The following CSMD1 variants were observed in gnomAD, a reference collection of about 807,000 sequenced individuals.
CSMD1 encodes CUB and Sushi multiple domains 1.
A neutral mutation model predicts 417.5 loss-of-function variants in CSMD1; 213 were observed. That is an observed-to-expected ratio of 0.51 (90% CI 0.46 to 0.57). The LOEUF (loss-of-function observed/expected upper bound fraction) is 0.57, where lower values mean the gene tolerates loss of function less well. Among genes scored for constraint, CSMD1 ranks in the 20% least tolerant of loss-of-function variants. The pLI, the probability that CSMD1 is intolerant of heterozygous loss-of-function variation, is 0.00. For missense variants in CSMD1, 6,923 were observed against 4,529.7 expected, an observed-to-expected ratio of 1.53 and a Z score of -15.17; for synonymous variants, 2,862 against 1,736.8, an observed-to-expected ratio of 1.65 and a Z score of -16.11.
intron 3 of CSMD1, among the ~76,000 whole-genome samples, chr8:4,156,356 T>C (rs1459919525): frequency 6.6e-6 from 1 of 152,188 alleles, no homozygotes; most frequent in Non-Finnish European, 1.5e-5. Context: ...CTGGTTTTGA[T>C]AAAACTTAAA....
chr8:4,279,442 G>C (rs913960478), intron 3 of CSMD1, among the ~76,000 whole-genome samples: 5 of 152,194 alleles, frequency 3.3e-5, no homozygotes, highest in African/African-American at 4.8e-5. Context: ...CCTTGGATAA[G>C]ATTCCAAGTC....
intron 3 of CSMD1, among the ~76,000 whole-genome samples, chr8:4,127,531 C>A (rs958035033): frequency 6.6e-6 from 1 of 150,582 alleles, no homozygotes; most frequent in Admixed American, 6.6e-5. Context: ...CACCAGAAAC[C>A]CTTTGGTTTT....
At position 2,950,300 on chromosome 8, in the gene CSMD1, A is replaced by G; in HGVS notation, c.10245T>C (p.Phe3415=). 1 of 1,613,492 alleles carries G rather than the reference A, an allele frequency of 6.2e-7. No individual in the cohort carries two copies. Among genetic ancestry groups the G allele is most frequent in the Non-Finnish European group, 8.5e-7 (1 of 1,179,470 alleles). The change falls in exon 67 of 70, where the codon TTT becomes TTC. Residue 3415 remains phenylalanine (F), a synonymous_variant. Coordinates refer to ENST00000635120, the MANE Select transcript of CSMD1 (RefSeq NM_033225.6). ...KEEAHLLLKA[F]QIKGQADIFV... is the part of the protein sequence containing the mutation. Reference sequence around the variant, plus strand: ...AAATATCTGCCTGGCCTTTAATTTGAAAAGCTTTCAGGAGTAAGTGGGCCT... The same window carrying G: ...AAATATCTGCCTGGCCTTTAATTTGGAAAGCTTTCAGGAGTAAGTGGGCCT...
intron 1 of CSMD1, among the ~76,000 whole-genome samples, chr8:4,860,824 C>T (rs966110174): frequency 6.6e-6 from 1 of 152,024 alleles, no homozygotes; most frequent in Non-Finnish European, 1.5e-5. Context: ...TTGCAGTGTC[C>T]CCAACACAGC....
rs555968532 is a variant in CSMD1 at position 3,827,871 on chromosome 8, T to C, written c.819-73829A>G. 2.6e-5 allele frequency among the ~76,000 whole-genome samples: 4 copies of C among 152,332 alleles called. No individual in the cohort carries two copies. In the East Asian group the frequency reaches 7.7e-4, roughly 29 times the overall value. ...GCATGTCACAGAAGAGCACTTCTGA[T>C]GAAGTTTCATCCCCATGGGCTCACT... is the stretch of plus-strand genomic sequence containing the variant. On this transcript the variant is annotated intron_variant, in intron 5 of 69. Coordinates refer to ENST00000635120, the MANE Select transcript of CSMD1 (RefSeq NM_033225.6).
intron 3 of CSMD1, among the ~76,000 whole-genome samples, chr8:4,151,611 G>A (rs553052622): frequency 6.6e-6 from 1 of 152,084 alleles, no homozygotes. Context: ...CATGGATTGT[G>A]ACATGTAGTT....
chr8:4,395,083 C>T (rs529926600), intron 3 of CSMD1, among the ~76,000 whole-genome samples: 1 of 152,300 alleles, frequency 6.6e-6, no homozygotes, highest in Admixed American at 6.5e-5. Flanking sequence ...CTGGCACCTC[C>T]TGCACCCACA....
chr8:3,311,303 G>T (rs774987117), intron 23 of CSMD1, among the ~76,000 whole-genome samples: 5 of 152,110 alleles, frequency 3.3e-5, no homozygotes, highest in Non-Finnish European at 5.9e-5. Context: ...AGGCTGGAAT[G>T]CAGTGGCATG....
chr8:4,400,468 C>T (rs933427211), intron 3 of CSMD1, among the ~76,000 whole-genome samples: 9 of 152,198 alleles, frequency 5.9e-5, no homozygotes, highest in African/African-American at 1.9e-4. Flanking sequence ...TCATTTGCTC[C>T]ACGCAAATTC....
intron 4 of CSMD1, among the ~76,000 whole-genome samples, chr8:4,004,320 G>C (rs1454746944): frequency 1.3e-5 from 2 of 151,712 alleles, no homozygotes; most frequent in Admixed American, 6.6e-5. Context: ...AGTACGTGTA[G>C]AACTTTATGT....
rs35047073 is a variant in CSMD1 at position 3,247,307 on chromosome 8, T to C, written c.4154-17076A>G. On this transcript the variant is annotated intron_variant, in intron 26 of 69. Coordinates refer to ENST00000635120, the MANE Select transcript of CSMD1 (RefSeq NM_033225.6). ...TCCCTGGAGAGCATAGCTGAAATTC[T>C]GCTACCTGGACGCAGACTCCTCCTG... is the stretch of plus-strand genomic sequence containing the variant. 1.1e-3 allele frequency among the ~76,000 whole-genome samples: 160 copies of C among 152,214 alleles called. 1 individual carries two copies. The highest frequency in any genetic ancestry group is 3.4e-3 in the Middle Eastern group (1 of 294).
chr8:4,965,196 T>A (rs895475910), intron 1 of CSMD1, among the ~76,000 whole-genome samples: 1 of 152,174 alleles, frequency 6.6e-6, no homozygotes, highest in East Asian at 1.9e-4. Context: ...AAAACACACA[T>A]GAAGGGCCTC....
intron 18 of CSMD1, among the ~76,000 whole-genome samples, chr8:3,382,817 G>T (rs946495871): frequency 6.6e-6 from 1 of 151,734 alleles, no homozygotes; most frequent in African/African-American, 2.4e-5. Context: ...ATCTTTAATA[G>T]AATAACTTTT....
chr8:3,313,214 G>A (rs920072259), intron 23 of CSMD1, among the ~76,000 whole-genome samples: 1 of 152,154 alleles, frequency 6.6e-6, no homozygotes, highest in Non-Finnish European at 1.5e-5. Context: ...CATGGGCAAA[G>A]ACTTCATGTC....
intron 5 of CSMD1, among the ~76,000 whole-genome samples, chr8:3,910,656 G>A (rs1159059989): frequency 6.6e-6 from 1 of 152,232 alleles, no homozygotes; most frequent in Non-Finnish European, 1.5e-5. Context: ...AAAACAGACT[G>A]ATATTGCTAA....
intron 9 of CSMD1, among the ~76,000 whole-genome samples, chr8:3,577,453 T>C (rs1563168720): frequency 6.6e-6 from 1 of 152,194 alleles, no homozygotes; most frequent in Non-Finnish European, 1.5e-5. Context: ...CATATTTTAA[T>C]AAAAAATTGT....
intron 25 of CSMD1, among the ~76,000 whole-genome samples, chr8:3,300,655 C>T (rs951934170): frequency 6.6e-6 from 1 of 151,874 alleles, no homozygotes; most frequent in African/African-American, 2.4e-5. Flanking sequence ...TCATTATGTA[C>T]AACATGAAAA....
chr8:4,434,248 A>G (rs1798028052), intron 2 of CSMD1, among the ~76,000 whole-genome samples: 1 of 152,258 alleles, frequency 6.6e-6, no homozygotes, highest in African/African-American at 2.4e-5. Flanking sequence ...GTGTGGCTGT[A>G]AAAGCTACTC....
At chr8:4,189,443 G>A (rs1329949579) in intron 3 of CSMD1, among the ~76,000 whole-genome samples, 8 of 152,232 alleles carry the variant, frequency 5.3e-5, no homozygotes, top group African/African-American at 1.9e-4. Flanking sequence ...CAGTAGTCCA[G>A]CAAAGTATGT....
Sources: allele counts gnomAD v4.1 joint callset (sites outside exome capture counted in the v4.1 genomes callset), GRCh38; gene constraint gnomAD v4.1.1; transcripts MANE v1.5; gene names NCBI Gene and HGNC (gene_info 2026-07-23, HGNC 2026-07-21).